TMEM245: variants seen among roughly 807,000 people sequenced by gnomAD.
TMEM245 encodes the protein protein CG-2.
Under a neutral mutation model 101.2 loss-of-function variants are expected in TMEM245, and 69 were observed. That is an observed-to-expected ratio of 0.68 (90% confidence interval 0.56 to 0.83). The LOEUF is 0.83. Ranked by LOEUF, TMEM245 falls within the 40% of genes least tolerant of loss-of-function variation. The pLI is 0.00. For synonymous variants in TMEM245, 537 were observed against 449.8 expected, an observed-to-expected ratio of 1.19 and a Z score of -2.45; for missense variants, 1,075 against 1,092.8, an observed-to-expected ratio of 0.98 and a Z score of 0.23.
chr9:109,056,150 G>A (rs1828828499), intron 12 of TMEM245, among the ~76,000 whole-genome samples: 1 of 152,112 alleles, frequency 6.6e-6, no homozygotes, highest in Admixed American at 6.6e-5. Context: ...TAGAAATTCA[G>A]AGGTAAATAC....
intron 1 of TMEM245, among the ~76,000 whole-genome samples, chr9:109,113,656 T>C (rs1830631853): frequency 6.6e-6 from 1 of 152,250 alleles, no homozygotes; most frequent in Admixed American, 6.5e-5. Flanking sequence ...ATATTAAATG[T>C]AGAAAACATT....
chr9:109,112,034 G>A (rs1056921250), intron 1 of TMEM245, among the ~76,000 whole-genome samples: 3 of 152,040 alleles, frequency 2.0e-5, no homozygotes, highest in Non-Finnish European at 4.4e-5. Flanking sequence ...GAAAAGATTC[G>A]CAGAAGTAAT....
At chr9:109,103,198 T>C (rs980950841) in intron 3 of TMEM245, among the ~76,000 whole-genome samples, 2 of 152,218 alleles carry the variant, frequency 1.3e-5, no homozygotes, top group Non-Finnish European at 2.9e-5. Context: ...TGAACTTACA[T>C]ATGCAGAATC....
chr9:109,050,432 C>T lies in TMEM245; in HGVS notation c.1978-4G>A. ...ATAGTGTGGTCAGGAAAATTATCTG[C>T]AAAACAAAGGACAACATCTCCTAAA... On this transcript the variant is annotated splice_polypyrimidine_tract_variant and splice_region_variant and intron_variant, in intron 13 of 17. Coordinates refer to ENST00000374586, the MANE Select transcript of TMEM245 (RefSeq NM_032012.4). 6.2e-7 allele frequency: 1 copy of T among 1,613,690 alleles called. No individual in the cohort carries two copies. The highest frequency in any genetic ancestry group is 8.5e-7 in the Non-Finnish European group (1 of 1,179,882).
At chr9:109,024,934 A>G (rs1487108143) in intron 17 of TMEM245, among the ~76,000 whole-genome samples, 1 of 152,238 alleles carries the variant, frequency 6.6e-6, no homozygotes, top group African/African-American at 2.4e-5. Context: ...CAGAAAAATC[A>G]GAGAAGCTAT....
intron 1 of TMEM245, 97 bp downstream of exon 1, chr9:109,119,238 C>T: frequency 8.4e-7 from 1 of 1,184,456 alleles, no homozygotes. Flanking sequence ...AGGTGTGGCC[C>T]CTCGTCGCCC....
In TMEM245 at chr9:109,033,386, T is replaced by C. The variant is rs776870673; in HGVS notation, c.2515A>G (p.Ile839Val). 14 of 1,614,000 alleles carry C rather than the reference T, an allele frequency of 8.7e-6. No homozygotes were observed. The South Asian group carries it at 1.4e-4, about 16-fold the overall frequency. ...LLCILVVASN[I>V]YSAMLVSPTN... Reference sequence around the variant, plus strand: ...GGACTCACTAGCATGGCACTATAGATATTGGAAGCAACCACAAGTATGCAG... The same window carrying C: ...GGACTCACTAGCATGGCACTATAGACATTGGAAGCAACCACAAGTATGCAG... The change falls in exon 17 of 18, where the codon ATC becomes GTC. Residue 839 changes from isoleucine to valine, a missense_variant. Around this residue, in one of 2 missense-constraint regions of TMEM245, gnomAD observed 267 missense variants for 351.3 expected, o/e 0.76. Coordinates refer to ENST00000374586, the MANE Select transcript of TMEM245 (RefSeq NM_032012.4).
chr9:109,031,087 T>G (rs969588896), intron 17 of TMEM245, among the ~76,000 whole-genome samples: 5 of 152,342 alleles, frequency 3.3e-5, no homozygotes, highest in Middle Eastern at 3.4e-3. Flanking sequence ...ACATTTTACT[T>G]TTTATTCTGA....
At position 109,060,455 on chromosome 9, in the gene TMEM245, A is replaced by G; in HGVS notation, c.1624-3T>C. The G allele has an allele frequency of 6.2e-7, 1 of 1,600,232 alleles. No individual in the cohort carries two copies. The highest frequency in any genetic ancestry group is 8.6e-7 in the Non-Finnish European group (1 of 1,169,064). The stretch of plus-strand genomic sequence containing the variant: ...TTATCTCCTAGAATTTTATGGAGCT[A>G]GAAAAAAACACAGATACGACGTGGT... On this transcript the variant is annotated splice_polypyrimidine_tract_variant and splice_region_variant and intron_variant, in intron 10 of 17. Coordinates refer to ENST00000374586, the MANE Select transcript of TMEM245 (RefSeq NM_032012.4).
At position 109,073,553 on chromosome 9, in the gene TMEM245, T is replaced by C; in HGVS notation, c.1450-115A>G. On this transcript the variant is annotated intron_variant, in intron 8 of 17. Coordinates refer to ENST00000374586, the MANE Select transcript of TMEM245 (RefSeq NM_032012.4). ...TTTGAGAGCCAAATAAATACACATC[T>C]TTGCTTTAATTAATTTAGAAACATG... The C allele has an allele frequency of 5.6e-6, 4 of 713,610 alleles. No individual in the cohort carries two copies. The South Asian group carries it at 7.7e-5, about 14-fold the overall frequency. The allele number at this position is 713,610 out of a possible 1,614,324, so 44.2% of individuals were successfully genotyped here.
At position 109,108,473 on chromosome 9, in the gene TMEM245, A is replaced by G; in HGVS notation, c.677T>C (p.Ile226Thr). ...YLRAVSIPVW[I>T]ILLFHLASLA... is the part of the protein sequence containing the mutation. ...CCCACCTAAATGAAAAAGCAATATA[A>G]TCCAGACAGGAATTGAAACTGCTCT... Residue 226 changes from isoleucine (I) to threonine (T), a missense_variant, in exon 2 of 18, where the codon ATT (isoleucine) becomes ACT (threonine). Around this residue, in one of 2 missense-constraint regions of TMEM245, gnomAD observed 808 missense variants for 741.5 expected, o/e 1.09. Coordinates refer to ENST00000374586, the MANE Select transcript of TMEM245 (RefSeq NM_032012.4). The G allele has an allele frequency of 6.3e-7, 1 of 1,597,964 alleles. No homozygotes were observed.
At chr9:109,092,542 T>C (rs1261506270) in intron 4 of TMEM245, among the ~76,000 whole-genome samples, 2 of 152,260 alleles carry the variant, frequency 1.3e-5, no homozygotes, top group Non-Finnish European at 2.9e-5. Flanking sequence ...GACAGATATT[T>C]GGAAGAATGA....
chr9:109,049,536 C>T (rs1828609176), intron 14 of TMEM245, among the ~76,000 whole-genome samples: 1 of 151,780 alleles, frequency 6.6e-6, no homozygotes. Flanking sequence ...TTTTAAGAAA[C>T]AGGGTCTTGG....
chr9:109,090,907 T>C lies in TMEM245; in HGVS notation c.1150+15A>G, dbSNP rs760850103. 1.4e-5 allele frequency: 23 copies of C among 1,611,524 alleles called. No homozygotes were observed. Among genetic ancestry groups the C allele is most frequent in the African/African-American group, 2.7e-5 (2 of 74,844 alleles). Reference sequence around the variant, plus strand: ...TTCAAAGACAAGACGAGATCGTACTTAACCAGATAACGACCTGCAATCGGC... The same window carrying C: ...TTCAAAGACAAGACGAGATCGTACTCAACCAGATAACGACCTGCAATCGGC... On this transcript the variant is annotated intron_variant, in intron 5 of 17. Transcript: ENST00000374586.
intron 2 of TMEM245, among the ~76,000 whole-genome samples, chr9:109,108,095 A>G (rs1416687640): frequency 6.6e-6 from 1 of 152,114 alleles, no homozygotes; most frequent in East Asian, 1.9e-4. Flanking sequence ...AAACATCTCT[A>G]GTTCCTTTAA....
At chr9:109,071,425 A>G (rs1346145248) in intron 9 of TMEM245, among the ~76,000 whole-genome samples, 18 of 151,838 alleles carry the variant, frequency 1.2e-4, no homozygotes, top group Admixed American at 1.2e-3. Flanking sequence ...CCTAGGCAAC[A>G]TGGTGAAACT....
At chr9:109,110,578 A>AC (rs1343165693) in intron 1 of TMEM245, among the ~76,000 whole-genome samples, 1 of 151,640 alleles carries the variant, frequency 6.6e-6, no homozygotes, top group Non-Finnish European at 1.5e-5. Flanking sequence ...ATTAAAAAAA[A>AC]ATCCACAGTA....
chr9:109,079,499 G>A (rs1367975759), intron 8 of TMEM245, among the ~76,000 whole-genome samples: 5 of 152,158 alleles, frequency 3.3e-5, no homozygotes, highest in African/African-American at 1.2e-4. Context: ...AGTAGATACT[G>A]TCATGGATGT....
At chr9:109,105,427 G>A (rs998768651) in intron 3 of TMEM245, among the ~76,000 whole-genome samples, 8 of 152,210 alleles carry the variant, frequency 5.3e-5, no homozygotes, top group African/African-American at 1.9e-4. Context: ...TACATCTGCT[G>A]TGGAAAACAG....
Sources: allele counts gnomAD v4.1 joint callset (sites outside exome capture counted in the v4.1 genomes callset), GRCh38; gene constraint gnomAD v4.1.1; regional missense constraint gnomAD v4.1.1; transcripts MANE v1.5; gene names NCBI Gene and HGNC (gene_info 2026-07-23, HGNC 2026-07-21).